The following MYO1H variants were observed in gnomAD, a reference collection of about 807,000 sequenced individuals.
MYO1H encodes myosin IH, also known as unconventional myosin-Ih.
In MYO1H, 118 loss-of-function variants were observed where a neutral mutation model predicts 149.3. The ratio of observed to expected loss-of-function variants is 0.79; its 90% confidence interval spans 0.68 to 0.92. MYO1H has a LOEUF of 0.92. MYO1H is among the 40% of genes least tolerant of loss of function. MYO1H has a pLI of 0.00. For synonymous variants in MYO1H, 447 were observed against 465.2 expected, an observed-to-expected ratio of 0.96 and a Z score of 0.50; for missense variants, 1,212 against 1,280.7, an observed-to-expected ratio of 0.95 and a Z score of 0.82.
At chr12:109,322,694 C>A in the MYO1H span, among the ~76,000 whole-genome samples, 3 of 151,886 alleles carry the variant, frequency 2.0e-5, no homozygotes, top group African/African-American at 7.3e-5. Flanking sequence ...GTGGCAGGCA[C>A]CTGTAATCCC....
intron 25 of MYO1H, 39 bp downstream of exon 25, chr12:109,440,866 G>C (rs1321143768): frequency 7.1e-7 from 1 of 1,417,224 alleles, no homozygotes; most frequent in Admixed American, 2.0e-5. Flanking sequence ...TGGTGGGGGT[G>C]GGTGTAAGAG....
intron 6 of MYO1H, among the ~76,000 whole-genome samples, chr12:109,401,735 T>A (rs552247854): frequency 6.6e-6 from 1 of 151,852 alleles, no homozygotes; most frequent in East Asian, 1.9e-4. Flanking sequence ...GCTTTCAAAC[T>A]ACCTTTTTTT....
At chr12:109,436,359 C>T in intron 21 of MYO1H, 129 bp from the exon 22 acceptor site, 1 of 647,720 alleles carries the variant, frequency 1.5e-6, no homozygotes, top group East Asian at 2.8e-5. Context: ...GAAATAGCTT[C>T]CTGAAACATC....
At chr12:109,331,447 T>G in the MYO1H span, among the ~76,000 whole-genome samples, 1 of 136,570 alleles carries the variant, frequency 7.3e-6, no homozygotes, top group Non-Finnish European at 1.5e-5. Context: ...CCGAATCCCT[T>G]GAGAGAGTAG....
At chr12:109,340,129 C>A in the MYO1H span, among the ~76,000 whole-genome samples, 1 of 152,120 alleles carries the variant, frequency 6.6e-6, no homozygotes, top group Non-Finnish European at 1.5e-5. Flanking sequence ...GTACATTAGG[C>A]AATACGGTGG....
the MYO1H span, among the ~76,000 whole-genome samples, chr12:109,311,459 G>GT: frequency 1.3e-5 from 2 of 152,186 alleles, no homozygotes; most frequent in Non-Finnish European, 2.9e-5. Context: ...AGATCAATCT[G>GT]TTTTTCCCTT....
chr12:109,364,168 C>CT (rs1428345158), intron 1 of MYO1H, among the ~76,000 whole-genome samples: 5 of 94,444 alleles, frequency 5.3e-5, no homozygotes, highest in East Asian at 3.7e-4. Context: ...GAGACCATGT[C>CT]TTTAAAAAAA....
chr12:109,380,213 A>C (rs1192809249), intron 1 of MYO1H, among the ~76,000 whole-genome samples: 2 of 152,162 alleles, frequency 1.3e-5, no homozygotes, highest in African/African-American at 2.4e-5. Context: ...ACATTTAAAA[A>C]ATAGTTGTTT....
At chr12:109,342,650 C>T in the MYO1H span, among the ~76,000 whole-genome samples, 1 of 150,658 alleles carries the variant, frequency 6.6e-6, no homozygotes, top group African/African-American at 2.4e-5. Flanking sequence ...TCAAGTGATC[C>T]TCCCACCTCA....
At chr12:109,389,531 C>A (rs181371471) in intron 2 of MYO1H, among the ~76,000 whole-genome samples, 1 of 152,268 alleles carries the variant, frequency 6.6e-6, no homozygotes, top group East Asian at 1.9e-4. Context: ...TAAGAGCTGT[C>A]CACCACACCC....
upstream of MYO1H, among the ~76,000 whole-genome samples, chr12:109,345,200 T>C (rs1740229106): frequency 6.6e-6 from 1 of 152,166 alleles, no homozygotes; most frequent in South Asian, 2.1e-4. Context: ...GCAAATCATA[T>C]ACAGTGTCAG....
chr12:109,317,041 A>G, the MYO1H span, among the ~76,000 whole-genome samples: 2 of 152,360 alleles, frequency 1.3e-5, no homozygotes, highest in African/African-American at 4.8e-5. Flanking sequence ...TTCACTAATC[A>G]TCAGGAAGGA....
intron 1 of MYO1H, among the ~76,000 whole-genome samples, chr12:109,353,319 G>A (rs11066371): frequency 0.025 from 3,660 of 148,520 alleles, 59 homozygotes; most frequent in Middle Eastern, 0.062. Context: ...GCTTGAACCC[G>A]GGAGGCGGAG....
chr12:109,448,031 G>A (rs1425065058), exon 32 of MYO1H: 5 of 152,212 alleles, frequency 3.3e-5, no homozygotes, highest in African/African-American at 9.6e-5. Flanking sequence ...TGATGTATGC[G>A]GCCACCACTG....
At chr12:109,348,279 C>T (rs1367174106) in intron 1 of MYO1H, among the ~76,000 whole-genome samples, 3 of 152,196 alleles carry the variant, frequency 2.0e-5, no homozygotes, top group African/African-American at 7.2e-5. Context: ...GTTAGCACTG[C>T]CTAATGCAAG....
At chr12:109,446,229 G>A (rs1872474045) in intron 31 of MYO1H, 4 of 985,436 alleles carry the variant, frequency 4.1e-6, no homozygotes, top group Middle Eastern at 5.2e-4. Context: ...ACACAAGTAC[G>A]CTGCCTTCCC....
At chr12:109,364,525 A>T (rs756771422) in intron 1 of MYO1H, among the ~76,000 whole-genome samples, 94 of 152,118 alleles carry the variant, frequency 6.2e-4, no homozygotes, top group Non-Finnish European at 1.6e-4. Flanking sequence ...GGGTTTCTCC[A>T]TATTGCCCAG....
chr12:109,389,602 C>T (rs565577480), intron 2 of MYO1H, among the ~76,000 whole-genome samples: 20 of 152,216 alleles, frequency 1.3e-4, no homozygotes, highest in Non-Finnish European at 2.4e-4. Context: ...TTGATCTTGT[C>T]ACATCTAGTT....
At chr12:109,411,763 T>C in intron 13 of MYO1H, 131 bp from the exon 14 acceptor site, 1 of 599,166 alleles carries the variant, frequency 1.7e-6, no homozygotes, top group Non-Finnish European at 2.9e-6. Flanking sequence ...CCCCCCAGAA[T>C]GTTCACCTGC....
Sources: allele counts gnomAD v4.1 joint callset (sites outside exome capture counted in the v4.1 genomes callset), GRCh38; gene constraint gnomAD v4.1.1; transcripts MANE v1.5; gene names NCBI Gene and HGNC (gene_info 2026-07-23, HGNC 2026-07-21).